IGSF3: variants seen among roughly 807,000 people sequenced by gnomAD.
IGSF3 encodes the protein immunoglobulin superfamily member 3.
IGSF3 carries 23 observed loss-of-function variants against 114.4 expected under a neutral mutation model. That is an observed-to-expected ratio of 0.20 (90% CI 0.14 to 0.28). The LOEUF (loss-of-function observed/expected upper bound fraction) is 0.28, where lower values mean the gene tolerates loss of function less well. Among genes scored for constraint, IGSF3 ranks in the 10% least tolerant of loss-of-function variants. The pLI is 1.00. For missense variants in IGSF3, 1,172 were observed against 1,591.5 expected, an observed-to-expected ratio of 0.74 and a Z score of 4.48; for synonymous variants, 571 against 645.2, an observed-to-expected ratio of 0.88 and a Z score of 1.74.
chr1:116,641,992 C>T (rs572350022), intron 2 of IGSF3, among the ~76,000 whole-genome samples: 119 of 152,020 alleles, frequency 7.8e-4, no homozygotes, highest in African/African-American at 2.6e-3. Flanking sequence ...GTGTCTCGAA[C>T]TCCTGGGCTC....
rs185966793 is a variant in IGSF3 at position 116,593,093 on chromosome 1, A to C, written c.2030-3989T>G. Among the ~76,000 whole-genome samples, 1 of 152,320 alleles carries C rather than the reference A, an allele frequency of 6.6e-6. No homozygotes were observed. Among genetic ancestry groups the C allele is most frequent in the Non-Finnish European group, 1.5e-5 (1 of 68,026 alleles). ...AAAGGTAAGCTTCGGCCACACTGCA[A>C]GGGGCCTGCAGCTTGTACTTGATCC... On this transcript the variant is annotated intron_variant, in intron 7 of 10. Coordinates refer to ENST00000369486, the MANE Select transcript of IGSF3 (RefSeq NM_001007237.3). The surrounding 1 kb of genome is among the most constrained non-coding windows in gnomAD (Gnocchi z 4.5).
rs1177987551 is a variant in IGSF3 at position 116,648,137 on chromosome 1, C to T, written c.43+18147G>A. ...AAAAAAAAGAGTGGCTACCCAAGAA[C>T]GCAACAGCAGCAGCAAACACTGATC... On this transcript the variant is annotated intron_variant, in intron 2 of 10. Coordinates refer to ENST00000369486, the MANE Select transcript of IGSF3 (RefSeq NM_001007237.3). This position sits in a 1 kb window ranked among gnomAD's most constrained non-coding sequence, Gnocchi z 4.7. 2.0e-5 allele frequency among the ~76,000 whole-genome samples: 3 copies of T among 152,160 alleles called. No individual in the cohort carries two copies. Among genetic ancestry groups the T allele is most frequent in the African/African-American group, 4.8e-5 (2 of 41,506 alleles).
chr1:116,663,431 C>T (rs1649192863), intron 2 of IGSF3, among the ~76,000 whole-genome samples: 1 of 152,034 alleles, frequency 6.6e-6, no homozygotes, highest in Non-Finnish European at 1.5e-5. Context: ...AGAGACTTTA[C>T]TACCCTCATG....
chr1:116,641,517 A>AAAAAG (rs1648098131), intron 2 of IGSF3, among the ~76,000 whole-genome samples: 1 of 147,956 alleles, frequency 6.8e-6, no homozygotes, highest in African/African-American at 2.5e-5. Context: ...AAAAAAAAAA[A>AAAAAG]AAGAAGAAGA....
chr1:116,620,734 C>A (rs1433271503), intron 2 of IGSF3, among the ~76,000 whole-genome samples: 2 of 152,284 alleles, frequency 1.3e-5, no homozygotes, highest in African/African-American at 4.8e-5. Context: ...ATAATGTCAA[C>A]CCCAGGCATC....
chr1:116,620,522 C>T (rs1454881281), intron 2 of IGSF3, among the ~76,000 whole-genome samples: 2 of 152,184 alleles, frequency 1.3e-5, no homozygotes, highest in African/African-American at 2.4e-5. Context: ...GACTGACCTA[C>T]GTGACCAATA....
rs1269412890 is a variant in IGSF3, at chr1:116,600,701, A to G, written c.1625-356T>C. 6.6e-6 allele frequency among the ~76,000 whole-genome samples: 1 copy of G among 152,212 alleles called. No individual in the cohort carries two copies. Among genetic ancestry groups the G allele is most frequent in the African/African-American group, 2.4e-5 (1 of 41,448 alleles). ...AGAAATCTTGAGATTCCATGAGAGA[A>G]CAGGAAAAGAAAACCCCAAAGCCAA... On this transcript the variant is annotated intron_variant, in intron 6 of 10. Coordinates refer to ENST00000369486, the MANE Select transcript of IGSF3 (RefSeq NM_001007237.3). This position sits in a 1 kb window ranked among gnomAD's most constrained non-coding sequence, Gnocchi z 5.5.
At position 116,598,684 on chromosome 1, in the gene IGSF3, G is replaced by A. The variant is rs976285038; in HGVS notation, c.2029+1257C>T. On this transcript the variant is annotated intron_variant, in intron 7 of 10. Transcript: ENST00000369486. This position sits in a 1 kb window ranked among gnomAD's most constrained non-coding sequence, Gnocchi z 4.3. ...AAAATCCCTTTGGCAAGGCGTTCCAGCCATCTTTGCAAAGTCAAACCCTTG... is the reference window on the plus strand; with the variant it reads ...AAAATCCCTTTGGCAAGGCGTTCCAACCATCTTTGCAAAGTCAAACCCTTG... Among the ~76,000 whole-genome samples the A allele has an allele frequency of 2.0e-5, 3 of 152,192 alleles. No homozygotes were observed. Among genetic ancestry groups the A allele is most frequent in the Non-Finnish European group, 4.4e-5 (3 of 68,030 alleles).
In IGSF3 at chr1:116,599,839, G is replaced by A. The variant is rs547585801; in HGVS notation, c.2029+102C>T. On this transcript the variant is annotated intron_variant, in intron 7 of 10. Transcript: ENST00000369486. ...GCAATGTGTCTAAATGAAGAGCTGG[G>A]AAAGGGGGAAGTGACGCTAAGGGCT... The A allele has an allele frequency of 5.0e-5, 51 of 1,011,530 alleles. 1 individual carries two copies. In the South Asian group the frequency reaches 6.6e-4, roughly 13 times the overall value. The allele number at this position is 1,011,530 out of a possible 1,614,324, so 62.7% of individuals were successfully genotyped here. A position where few individuals can be genotyped will look rare whatever the true frequency, so the allele number is the denominator to read the frequency against.
chr1:116,636,329 T>C lies in IGSF3; in HGVS notation c.44-19872A>G, dbSNP rs1428962040. On this transcript the variant is annotated intron_variant, in intron 2 of 10. Coordinates refer to ENST00000369486, the MANE Select transcript of IGSF3 (RefSeq NM_001007237.3). The surrounding 1 kb of genome is among the most constrained non-coding windows in gnomAD (Gnocchi z 4.5). Reference sequence around the variant, plus strand: ...TCTCCCCTTTTTGGCCTCAAGCACATCACGAGGAAGGCTGGTGACAACCTT... The same window carrying C: ...TCTCCCCTTTTTGGCCTCAAGCACACCACGAGGAAGGCTGGTGACAACCTT... Among the ~76,000 whole-genome samples the C allele has an allele frequency of 6.6e-6, 1 of 152,176 alleles. No individual in the cohort carries two copies. The highest frequency in any genetic ancestry group is 6.5e-5 in the Admixed American group (1 of 15,284).
chr1:116,647,272 C>A lies in IGSF3; in HGVS notation c.43+19012G>T, dbSNP rs1246798297. On this transcript the variant is annotated intron_variant, in intron 2 of 10. Transcript: ENST00000369486. The surrounding 1 kb of genome is among the most constrained non-coding windows in gnomAD (Gnocchi z 4.6). ...CGTGAGTGCTCCATGCTCAGAGATACCTAGAACCCAGCTACAATGGCCTTA... is the reference window on the plus strand; with the variant it reads ...CGTGAGTGCTCCATGCTCAGAGATAACTAGAACCCAGCTACAATGGCCTTA... Among the ~76,000 whole-genome samples the A allele has an allele frequency of 6.6e-6, 1 of 152,200 alleles. No individual in the cohort carries two copies. The highest frequency in any genetic ancestry group is 1.5e-5 in the Non-Finnish European group (1 of 68,032).
At chr1:116,667,387 T>A (rs1287949205) in intron 1 of IGSF3, among the ~76,000 whole-genome samples, 1 of 151,972 alleles carries the variant, frequency 6.6e-6, no homozygotes, top group African/African-American at 2.4e-5. Context: ...ATCTCGCTGA[T>A]TGGAAAGAAA....
At chr1:116,617,284 C>T in intron 2 of IGSF3, 11 of 979,572 alleles carry the variant, frequency 1.1e-5, no homozygotes, top group Non-Finnish European at 1.3e-5. Context: ...CTGCCTTCTC[C>T]ATGTTCTTCT....
At position 116,666,446 on chromosome 1, in the gene IGSF3, G is replaced by T; in HGVS notation, c.-120C>A. 1 of 885,920 alleles carries T rather than the reference G, an allele frequency of 1.1e-6. No individual in the cohort carries two copies. The highest frequency in any genetic ancestry group is 1.9e-6 in the Non-Finnish European group (1 of 530,860). 54.9% of individuals were successfully genotyped at this position (885,920 alleles called of 1,614,324 possible). On this transcript the variant is annotated 5_prime_UTR_variant, in exon 2 of 11. Coordinates refer to ENST00000369486, the MANE Select transcript of IGSF3 (RefSeq NM_001007237.3). ...CAGTTTTGGAAATAGAACTTAACTCGGAAAATGGGAACAGATTAAAAAGAA... is the reference window on the plus strand; with the variant it reads ...CAGTTTTGGAAATAGAACTTAACTCTGAAAATGGGAACAGATTAAAAAGAA...
intron 2 of IGSF3, among the ~76,000 whole-genome samples, chr1:116,631,153 C>T (rs1352440647): frequency 2.0e-5 from 3 of 151,540 alleles, no homozygotes; most frequent in Non-Finnish European, 4.4e-5. Flanking sequence ...CCCGTCTCTA[C>T]TAAAAATACA....
rs1647712766 is a variant in IGSF3, at chr1:116,634,070, C to G, written c.44-17613G>C. Reference sequence around the variant, plus strand: ...TAGAGAATATTTTCTGAAAGACACACATGAAACCAGTAACGGTGATGGTCT... The same window carrying G: ...TAGAGAATATTTTCTGAAAGACACAGATGAAACCAGTAACGGTGATGGTCT... On this transcript the variant is annotated intron_variant, in intron 2 of 10. Transcript: ENST00000369486. The surrounding 1 kb of genome is among the most constrained non-coding windows in gnomAD (Gnocchi z 4.2). Among the ~76,000 whole-genome samples the G allele has an allele frequency of 6.6e-6, 1 of 152,222 alleles. No individual in the cohort carries two copies. Among genetic ancestry groups the G allele is most frequent in the Non-Finnish European group, 1.5e-5 (1 of 68,042 alleles).
chr1:116,631,280 T>C (rs1172023441), intron 2 of IGSF3, among the ~76,000 whole-genome samples: 2 of 130,218 alleles, frequency 1.5e-5, no homozygotes, highest in Non-Finnish European at 3.1e-5. Flanking sequence ...ATCGCACCAC[T>C]GCACTCCAGC....
chr1:116,643,358 C>A (rs1648194289), intron 2 of IGSF3, among the ~76,000 whole-genome samples: 2 of 152,358 alleles, frequency 1.3e-5, no homozygotes, highest in East Asian at 3.9e-4. Context: ...GCTACTTCTC[C>A]ATTCATGCCG....
chr1:116,659,352 C>T (rs1047408803), intron 2 of IGSF3, among the ~76,000 whole-genome samples: 4 of 152,230 alleles, frequency 2.6e-5, no homozygotes, highest in Admixed American at 2.6e-4. Flanking sequence ...TAAGTGCCTG[C>T]CACCATGGCC....
Sources: gnomAD v4.1 joint callset for allele counts (sites outside exome capture counted in the v4.1 genomes callset) on GRCh38, gnomAD v4.1.1 for gene constraint, Gnocchi (gnomAD v3.1) non-coding constraint, MANE v1.5 for transcripts, NCBI Gene and HGNC (gene_info 2026-07-23, HGNC 2026-07-21) for gene names.